TMEFF2: variants seen among roughly 807,000 people sequenced by gnomAD.
TMEFF2 encodes the protein transmembrane protein with EGF like and two follistatin like domains 2, also known as tomoregulin-2.
In TMEFF2, 28 loss-of-function variants were observed where a neutral mutation model predicts 53.8. That is an observed-to-expected ratio of 0.52 (90% CI 0.39 to 0.71). The LOEUF (loss-of-function observed/expected upper bound fraction) is 0.71, where lower values mean the gene tolerates loss of function less well. Ranked by LOEUF, TMEFF2 falls within the 30% of genes least tolerant of loss-of-function variation. The probability of loss-of-function intolerance (pLI) is 0.00; values close to 1 mark genes in which losing one functional copy is unlikely to be tolerated. For missense variants in TMEFF2, 353 were observed against 455.2 expected, an observed-to-expected ratio of 0.78 and a Z score of 2.04; for synonymous variants, 162 against 166.3, an observed-to-expected ratio of 0.97 and a Z score of 0.20.
intron 4 of TMEFF2, among the ~76,000 whole-genome samples, chr2:192,071,223 GACT>G (rs1259731654): frequency 1.3e-5 from 2 of 151,870 alleles, no homozygotes; most frequent in African/African-American, 4.8e-5. Context: ...GTCCTCTGGT[GACT>G]ACAATATGCA....
At chr2:192,089,282 C>T (rs999388053) in intron 4 of TMEFF2, among the ~76,000 whole-genome samples, 8 of 150,426 alleles carry the variant, frequency 5.3e-5, no homozygotes, top group Non-Finnish European at 1.0e-4. Context: ...CATCCTCCTA[C>T]TTGACCTAGT....
intron 9 of TMEFF2, among the ~76,000 whole-genome samples, chr2:191,952,580 ATG>A (rs1351919053): frequency 1.3e-5 from 2 of 152,122 alleles, no homozygotes; most frequent in Non-Finnish European, 1.5e-5. Flanking sequence ...AGTCGAGTTG[ATG>A]AACTCAACTC....
chr2:192,056,615 T>C (rs1687916920), intron 5 of TMEFF2, among the ~76,000 whole-genome samples: 1 of 152,194 alleles, frequency 6.6e-6, no homozygotes, highest in Non-Finnish European at 1.5e-5. Context: ...TGAACATATC[T>C]TTAAAAGAGT....
At chr2:191,964,358 TTC>T (rs1238599269) in intron 7 of TMEFF2, among the ~76,000 whole-genome samples, 40 of 104,368 alleles carry the variant, frequency 3.8e-4, no homozygotes, top group African/African-American at 1.6e-3. Context: ...CTTTCTTTCT[TTC>T]TTTCTTTCTT....
At chr2:191,975,601 T>C (rs1056475560) in intron 7 of TMEFF2, among the ~76,000 whole-genome samples, 2 of 151,940 alleles carry the variant, frequency 1.3e-5, no homozygotes, top group East Asian at 2.0e-4. Flanking sequence ...AGAACTTCTT[T>C]AGTAGTTTTA....
intron 4 of TMEFF2, among the ~76,000 whole-genome samples, chr2:192,171,904 CT>C (rs1690923245): frequency 6.6e-6 from 1 of 152,050 alleles, no homozygotes; most frequent in South Asian, 2.1e-4. Context: ...GTTAAGAATT[CT>C]GTTATTTTGT....
At chr2:192,047,251 A>G (rs77155438) in intron 5 of TMEFF2, among the ~76,000 whole-genome samples, 213 of 152,290 alleles carry the variant, frequency 1.4e-3, no homozygotes, top group African/African-American at 4.8e-3. Flanking sequence ...ACAGAAATAC[A>G]TCACTAATTT....
At chr2:192,127,364 T>C (rs936315478) in intron 4 of TMEFF2, among the ~76,000 whole-genome samples, 1 of 152,224 alleles carries the variant, frequency 6.6e-6, no homozygotes, top group Non-Finnish European at 1.5e-5. Context: ...TGCTGTTTTC[T>C]GAGTGAACAC....
intron 4 of TMEFF2, among the ~76,000 whole-genome samples, chr2:192,099,826 A>C (rs573013191): frequency 6.6e-6 from 1 of 151,666 alleles, no homozygotes; most frequent in African/African-American, 2.4e-5. Context: ...ATTTTGGTTC[A>C]GTAGTGCTTC....
chr2:191,983,332 G>A (rs1175203906), intron 7 of TMEFF2, among the ~76,000 whole-genome samples: 1 of 151,022 alleles, frequency 6.6e-6, no homozygotes, highest in Non-Finnish European at 1.5e-5. Flanking sequence ...GTACAAGGAT[G>A]ATCATTTTCT....
At chr2:192,106,500 T>A (rs899896680) in intron 4 of TMEFF2, among the ~76,000 whole-genome samples, 5 of 151,800 alleles carry the variant, frequency 3.3e-5, no homozygotes, top group Non-Finnish European at 5.9e-5. Context: ...TCTAAAACAC[T>A]GACAACACTT....
At chr2:192,177,496 CT>C (rs1691074610) in intron 4 of TMEFF2, 1 of 151,042 alleles carries the variant, frequency 6.6e-6, no homozygotes, top group Admixed American at 6.6e-5. Context: ...TGATCAGTCT[CT>C]AATTTTAAAA....
chr2:192,103,330 T>C (rs1368334778), intron 4 of TMEFF2, among the ~76,000 whole-genome samples: 1 of 152,198 alleles, frequency 6.6e-6, no homozygotes, highest in Non-Finnish European at 1.5e-5. Flanking sequence ...CTTTCACCAA[T>C]GACAGGTATT....
Position 192,075,300 on chromosome 2 carries a change from T to TAA in TMEFF2, c.440-17526_440-17525insTT, listed in dbSNP as rs1559114998. The stretch of plus-strand genomic sequence containing the variant: ...TACAGTACTATTATATATATATATA[T>TAA]ATATATATATATATATATATATATA... On this transcript the variant is annotated intron_variant, in intron 4 of 9. Transcript: ENST00000272771. Among the ~76,000 whole-genome samples, 62 of 40,110 alleles carry TAA rather than the reference T, an allele frequency of 1.5e-3. 3 individuals are homozygous for TAA. The highest frequency in any genetic ancestry group is 4.4e-3 in the African/African-American group (55 of 12,604). 26.3% of individuals were successfully genotyped at this position (40,110 alleles called of 152,430 possible). A position where few individuals can be genotyped will look rare whatever the true frequency, so the allele number is the denominator to read the frequency against.
At chr2:191,962,868 G>T (rs970069914) in intron 7 of TMEFF2, among the ~76,000 whole-genome samples, 4 of 152,170 alleles carry the variant, frequency 2.6e-5, no homozygotes, top group Admixed American at 6.5e-5. Flanking sequence ...AGAGCAGGCC[G>T]CTGGGAGAAG....
intron 8 of TMEFF2, among the ~76,000 whole-genome samples, chr2:191,955,954 T>C (rs1246675215): frequency 1.3e-5 from 2 of 152,174 alleles, no homozygotes; most frequent in African/African-American, 4.8e-5. Context: ...GAAAGAGTGG[T>C]AATATGGAGG....
In TMEFF2 at chr2:191,950,192, G is replaced by A. The variant is rs977310370; in HGVS notation, c.*119C>T. ...AGCTGTAGTACATGTTTTCATTGGT[G>A]TAGATTACCACAAATGCAAGGCAAC... On this transcript the variant is annotated 3_prime_UTR_variant, in exon 10 of 10. Coordinates refer to ENST00000272771, the MANE Select transcript of TMEFF2 (RefSeq NM_016192.4). 5.9e-5 allele frequency: 89 copies of A among 1,519,478 alleles called. No individual in the cohort carries two copies. Among genetic ancestry groups the A allele is most frequent in the Non-Finnish European group, 7.7e-5 (88 of 1,137,304 alleles). 94.1% of individuals were successfully genotyped at this position (1,519,478 alleles called of 1,614,324 possible).
At chr2:192,110,351 T>G (rs944620206) in intron 4 of TMEFF2, among the ~76,000 whole-genome samples, 1 of 151,986 alleles carries the variant, frequency 6.6e-6, no homozygotes, top group African/African-American at 2.4e-5. Context: ...GAGTGGTGAT[T>G]AGGAAGTGGA....
At chr2:192,182,113 C>T (rs1053833844) in intron 3 of TMEFF2, among the ~76,000 whole-genome samples, 1 of 151,598 alleles carries the variant, frequency 6.6e-6, no homozygotes, top group Admixed American at 6.6e-5. Context: ...AATAAGAGTC[C>T]ATTCTCTGGA....
Sources: gnomAD v4.1 joint callset for allele counts (sites outside exome capture counted in the v4.1 genomes callset) on GRCh38, gnomAD v4.1.1 for gene constraint, MANE v1.5 for transcripts, NCBI Gene and HGNC (gene_info 2026-07-23, HGNC 2026-07-21) for gene names.